ANKRD30BL: variants seen among roughly 807,000 people sequenced by gnomAD.
ANKRD30BL encodes the protein putative ankyrin repeat domain-containing protein 30B-like.
ANKRD30BL carries 20 observed loss-of-function variants against 18.4 expected under a neutral mutation model. The ratio of observed to expected loss-of-function variants is 1.09; its 90% CI spans 0.77 to 1.58. ANKRD30BL has a LOEUF of 1.58. Among genes scored for constraint, ANKRD30BL ranks in the 40% most tolerant of loss-of-function variants. ANKRD30BL has a pLI of 0.00. For missense variants in ANKRD30BL, 224 were observed against 268.6 expected, an observed-to-expected ratio of 0.83 and a Z score of 1.16; for synonymous variants, 72 against 100.9, an observed-to-expected ratio of 0.71 and a Z score of 1.72.
intron 1 of ANKRD30BL, among the ~76,000 whole-genome samples, chr2:132,200,024 C>A (rs1258728444): frequency 3.3e-5 from 5 of 152,150 alleles, no homozygotes; most frequent in South Asian, 2.1e-4. Context: ...AAATCAATAA[C>A]TGTAATCTAG....
At chr2:132,155,508 G>A (rs545947369) in intron 3 of ANKRD30BL, 5 of 152,274 alleles carry the variant, frequency 3.3e-5, no homozygotes, top group African/African-American at 1.2e-4. Context: ...TAAATTAAAA[G>A]AGATTGGCTT....
intron 1 of ANKRD30BL, among the ~76,000 whole-genome samples, chr2:132,215,507 A>G (rs796679009): frequency 2.0e-5 from 3 of 152,078 alleles, no homozygotes; most frequent in Admixed American, 6.6e-5. Flanking sequence ...TGAGGCCTAC[A>G]GTGGAAAAGG....
chr2:132,254,847 C>A (rs542055421), intron 1 of ANKRD30BL, among the ~76,000 whole-genome samples: 1 of 152,314 alleles, frequency 6.6e-6, no homozygotes, highest in African/African-American at 2.4e-5. Flanking sequence ...ATTAGCCAGA[C>A]AAATCACTCC....
chr2:132,159,545 AG>A (rs1688000563), intron 1 of ANKRD30BL, among the ~76,000 whole-genome samples: 1 of 152,182 alleles, frequency 6.6e-6, no homozygotes, highest in African/African-American at 2.4e-5. Flanking sequence ...TTAAATTAGA[AG>A]CAAAGTACTA....
intron 1 of ANKRD30BL, among the ~76,000 whole-genome samples, chr2:132,167,898 C>G (rs1223580648): frequency 2.6e-5 from 4 of 152,140 alleles, no homozygotes; most frequent in Admixed American, 2.6e-4. Context: ...TGCTATTGTT[C>G]ATTTCATCTG....
At chr2:132,162,241 A>T (rs1238565272), upstream of ANKRD30BL, among the ~76,000 whole-genome samples, 2 of 152,164 alleles carry the variant, frequency 1.3e-5, no homozygotes, top group Non-Finnish European at 2.9e-5. Context: ...TCTTGCAGCC[A>T]GGGACCCATC....
chr2:132,255,448 G>A (rs1680803536), intron 1 of ANKRD30BL, among the ~76,000 whole-genome samples: 1 of 151,788 alleles, frequency 6.6e-6, no homozygotes, highest in Admixed American at 6.6e-5. Context: ...GAGCATCCAG[G>A]GGGCACCGAG....
At chr2:132,211,979 A>G in intron 1 of ANKRD30BL, among the ~76,000 whole-genome samples, 1 of 152,106 alleles carries the variant, frequency 6.6e-6, no homozygotes, top group Non-Finnish European at 1.5e-5. Flanking sequence ...CACAGAGTTC[A>G]AACATGCTTT....
intron 1 of ANKRD30BL, among the ~76,000 whole-genome samples, chr2:132,233,187 A>G (rs199720661): frequency 5.9e-5 from 9 of 151,830 alleles, no homozygotes; most frequent in East Asian, 1.9e-4. Context: ...TGAAGGAAGC[A>G]CTAAACATGG....
At chr2:132,221,479 T>C (rs1355957817) in intron 1 of ANKRD30BL, among the ~76,000 whole-genome samples, 2,417 of 67,814 alleles carry the variant, frequency 0.036, 67 homozygotes, top group African/African-American at 0.15. Flanking sequence ...CGCCTCTGCC[T>C]GGCCGCCCCT....
intron 1 of ANKRD30BL, among the ~76,000 whole-genome samples, chr2:132,205,683 G>A (rs1398187318): frequency 2.0e-5 from 3 of 151,712 alleles, no homozygotes; most frequent in Non-Finnish European, 4.4e-5. Context: ...GGCCAACATT[G>A]AGTGGTCTTA....
intron 1 of ANKRD30BL, among the ~76,000 whole-genome samples, chr2:132,191,638 G>A (rs1427273916): frequency 6.6e-6 from 1 of 151,654 alleles, no homozygotes; most frequent in Non-Finnish European, 1.5e-5. Flanking sequence ...GCATTTTTCA[G>A]TGTTTATCCA....
At chr2:132,175,092 A>C (rs770215705) in intron 1 of ANKRD30BL, among the ~76,000 whole-genome samples, 17 of 152,212 alleles carry the variant, frequency 1.1e-4, no homozygotes, top group Non-Finnish European at 2.2e-4. Context: ...GAGAAAAGAA[A>C]TAAGACACAG....
chr2:132,222,444 T>C (rs192755485), intron 1 of ANKRD30BL, among the ~76,000 whole-genome samples: 2,044 of 152,078 alleles, frequency 0.013, 41 homozygotes, highest in African/African-American at 0.047. Flanking sequence ...GCCGGGTCTG[T>C]GTGGATAGAA....
At chr2:132,206,593 T>C (rs1421202935) in intron 1 of ANKRD30BL, among the ~76,000 whole-genome samples, 2 of 152,180 alleles carry the variant, frequency 1.3e-5, no homozygotes, top group African/African-American at 4.8e-5. Context: ...CTTAGTGAGT[T>C]CTCTTTGTGT....
At chr2:132,159,505 T>C (rs1040444089) in intron 1 of ANKRD30BL, among the ~76,000 whole-genome samples, 8 of 152,152 alleles carry the variant, frequency 5.3e-5, no homozygotes, top group Non-Finnish European at 1.2e-4. Context: ...ATAGGTCACT[T>C]ACAGATCTTA....
chr2:132,153,775 C>A, intron 4 of ANKRD30BL: 2 of 609,116 alleles, frequency 3.3e-6, no homozygotes, highest in Admixed American at 5.2e-5. Context: ...TAACCATTTA[C>A]ATGTATTAAC....
chr2:132,242,159 T>G (rs370257526), intron 1 of ANKRD30BL, among the ~76,000 whole-genome samples: 14 of 151,784 alleles, frequency 9.2e-5, no homozygotes, highest in African/African-American at 3.4e-4. Context: ...AAGTGGATGT[T>G]AGGACAGCAT....
intron 1 of ANKRD30BL, among the ~76,000 whole-genome samples, chr2:132,249,367 T>C (rs112427581): frequency 6.6e-6 from 1 of 152,036 alleles, no homozygotes. Flanking sequence ...CAAAATACTG[T>C]TTCCAAAATG....
Sources: gnomAD v4.1 joint callset for allele counts (sites outside exome capture counted in the v4.1 genomes callset) on GRCh38, gnomAD v4.1.1 for gene constraint, MANE v1.5 for transcripts, NCBI Gene and HGNC (gene_info 2026-07-23, HGNC 2026-07-21) for gene names.